Variants in EXD3 observed in about 807,000 individuals in gnomAD.
EXD3 encodes exonuclease mut-7 homolog.
Under a neutral mutation model 98.0 loss-of-function variants are expected in EXD3, and 92 were observed. The ratio of observed to expected loss-of-function variants is 0.94; its 90% CI spans 0.79 to 1.12. EXD3 has a LOEUF of 1.12. Among genes scored for constraint, EXD3 ranks in the 50% most tolerant of loss-of-function variants. The pLI is 0.00. For synonymous variants in EXD3, 569 were observed against 526.0 expected (o/e 1.08, Z -1.12); for missense variants, 1,222 against 1,191.6 (o/e 1.03, Z -0.38).
At chr9:137,326,168 G>A (rs972919689) in intron 17 of EXD3, among the ~76,000 whole-genome samples, 1 of 151,722 alleles carries the variant, frequency 6.6e-6, no homozygotes, top group African/African-American at 2.4e-5. Context: ...ATATGACACC[G>A]CAGCAAAGGC....
intron 19 of EXD3, among the ~76,000 whole-genome samples, chr9:137,321,146 T>G (rs538935676): frequency 2.0e-5 from 3 of 152,354 alleles, no homozygotes; most frequent in East Asian, 3.9e-4. Flanking sequence ...AGCCGGAGCT[T>G]TCCCTCTTTC....
At chr9:137,386,872 C>A (rs1292422561) in intron 2 of EXD3, among the ~76,000 whole-genome samples, 7 of 148,160 alleles carry the variant, frequency 4.7e-5, no homozygotes, top group African/African-American at 1.7e-4. Context: ...GCCTGGCCCC[C>A]TCAGCACCCC....
chr9:137,365,790 C>T (rs756860974), intron 7 of EXD3: 1 of 330,394 alleles, frequency 3.0e-6, no homozygotes, highest in Non-Finnish European at 6.0e-6. Flanking sequence ...CACACGTACA[C>T]CTGCAGGCAC....
intron 17 of EXD3, among the ~76,000 whole-genome samples, chr9:137,330,202 A>AG (rs1370422199): frequency 4.4e-5 from 6 of 135,586 alleles, no homozygotes; most frequent in African/African-American, 5.8e-5. Context: ...ACTACACAGG[A>AG]CTACACAGGA....
intron 5 of EXD3, among the ~76,000 whole-genome samples, chr9:137,368,675 G>A (rs972471643): frequency 1.2e-4 from 19 of 152,268 alleles, no homozygotes; most frequent in Non-Finnish European, 2.9e-5. Context: ...GCAGCCCAGA[G>A]AAAGGACCAA....
intron 1 of EXD3, among the ~76,000 whole-genome samples, chr9:137,396,818 C>T (rs1483200368): frequency 1.3e-5 from 2 of 152,190 alleles, no homozygotes; most frequent in East Asian, 3.9e-4. Context: ...CCACTGCAAA[C>T]GACGTAAAAC....
In EXD3 at chr9:137,386,323, C is replaced by G. The variant is rs73583550; in HGVS notation, c.56-2946G>C. Among the ~76,000 whole-genome samples the G allele has an allele frequency of 4.3e-3, 650 of 152,096 alleles. 4 individuals are homozygous for G. Among genetic ancestry groups the G allele is most frequent in the African/African-American group, 0.015 (614 of 41,496 alleles). On this transcript the variant is annotated intron_variant, in intron 2 of 21. Coordinates refer to ENST00000340951, the MANE Select transcript of EXD3 (RefSeq NM_017820.5). ...TCCATCCATCAATAAGCAGGGTGTC[C>G]TTATTATTCTTTTTAAGTTCTCCAA...
At chr9:137,333,234 G>A (rs770092222) in intron 17 of EXD3, among the ~76,000 whole-genome samples, 9 of 152,080 alleles carry the variant, frequency 5.9e-5, no homozygotes, top group Non-Finnish European at 5.9e-5. Context: ...GGCCTTTGGC[G>A]GCAGACTGAA....
Position 137,395,455 on chromosome 9 carries a change from C to T in EXD3, c.-47-51G>A. 1 of 1,561,014 alleles carries T rather than the reference C, an allele frequency of 6.4e-7. No homozygotes were observed. ...TGCAGAGCCCACTGCAACAGGCAGCCATGCAGAGCCCACGCCCACAGCCCC... is the reference window on the plus strand; with the variant it reads ...TGCAGAGCCCACTGCAACAGGCAGCTATGCAGAGCCCACGCCCACAGCCCC... On this transcript the variant is annotated intron_variant, in intron 1 of 21. Coordinates refer to ENST00000340951, the MANE Select transcript of EXD3 (RefSeq NM_017820.5). This position sits in a 1 kb window ranked among gnomAD's most constrained non-coding sequence, Gnocchi z 6.5.
chr9:137,354,322 C>G lies in EXD3; in HGVS notation c.870+17G>C, dbSNP rs142930083. 0.011 allele frequency: 17,905 copies of G among 1,611,878 alleles called. 355 individuals carry two copies. Among genetic ancestry groups the G allele is most frequent in the South Asian group, 0.063 (5,728 of 90,968 alleles). The stretch of plus-strand genomic sequence containing the variant: ...CCAGGCCGCCCTGCCGGCTTACAGG[C>G]AAGGGCACGAACTCACCTGCACATG... On this transcript the variant is annotated intron_variant, in intron 10 of 21. Transcript: ENST00000340951.
intron 1 of EXD3, among the ~76,000 whole-genome samples, chr9:137,419,177 A>G (rs911148692): frequency 6.6e-6 from 1 of 152,166 alleles, no homozygotes; most frequent in Non-Finnish European, 1.5e-5. Flanking sequence ...TATTATTAAC[A>G]TATGTTCCAA....
At chr9:137,381,599 G>A (rs1836274362) in intron 3 of EXD3, among the ~76,000 whole-genome samples, 1 of 151,946 alleles carries the variant, frequency 6.6e-6, no homozygotes, top group Non-Finnish European at 1.5e-5. Flanking sequence ...TCACCCGCCC[G>A]GTGTGCTGGC....
intron 19 of EXD3, among the ~76,000 whole-genome samples, chr9:137,322,452 G>T (rs112942571): frequency 3.6e-5 from 4 of 109,644 alleles, no homozygotes; most frequent in Non-Finnish European, 7.5e-5. Flanking sequence ...CCGGACCCAC[G>T]AGGGATGCTC....
At chr9:137,328,208 C>A in intron 17 of EXD3, among the ~76,000 whole-genome samples, 1 of 151,156 alleles carries the variant, frequency 6.6e-6, no homozygotes, top group Non-Finnish European at 1.5e-5. Flanking sequence ...TTAATATACT[C>A]CCATATGATG....
Position 137,407,777 on chromosome 9 carries a change from C to T in EXD3, c.-47-12373G>A, listed in dbSNP as rs1468623179. Reference sequence around the variant, plus strand: ...GCTTCCGTCACTGGAGCCCACGGGTCCACAGGCATTCGAGGTCTTGGATGC... The same window carrying T: ...GCTTCCGTCACTGGAGCCCACGGGTTCACAGGCATTCGAGGTCTTGGATGC... On this transcript the variant is annotated intron_variant, in intron 1 of 21. Transcript: ENST00000340951. This position sits in a 1 kb window ranked among gnomAD's most constrained non-coding sequence, Gnocchi z 4.4. Among the ~76,000 whole-genome samples, 1 of 152,108 alleles carries T rather than the reference C, an allele frequency of 6.6e-6. No individual in the cohort carries two copies. The highest frequency in any genetic ancestry group is 1.5e-5 in the Non-Finnish European group (1 of 68,030).
chr9:137,340,253 G>A (rs1258953677), intron 17 of EXD3, among the ~76,000 whole-genome samples: 4 of 152,084 alleles, frequency 2.6e-5, no homozygotes, highest in African/African-American at 4.8e-5. Context: ...TGAGGCGGGC[G>A]GATCATGAGG....
In EXD3 at chr9:137,373,596, G is replaced by A. The variant is rs781639693; in HGVS notation, c.124C>T (p.Arg42Trp). Residue 42 changes from arginine (R) to tryptophan (W), a missense_variant, in exon 4 of 22, where the codon CGG (arginine) becomes TGG (tryptophan). Coordinates refer to ENST00000340951, the MANE Select transcript of EXD3 (RefSeq NM_017820.5). ...GCAAACCCCCGCCAGGCTTCCTCCC[G>A]GAGCTGTGGAGACACAAAACCACAC... ...LWSTRERKQL[R>W]EEAWRGFAAL... is the part of the protein sequence containing the mutation. 4.2e-5 allele frequency: 67 copies of A among 1,595,916 alleles called. No individual in the cohort carries two copies. Among genetic ancestry groups the A allele is most frequent in the African/African-American group, 9.4e-5 (7 of 74,464 alleles).
intron 5 of EXD3, among the ~76,000 whole-genome samples, chr9:137,369,509 C>T (rs1312252554): frequency 1.3e-5 from 2 of 152,202 alleles, no homozygotes; most frequent in African/African-American, 2.4e-5. Flanking sequence ...CCGGCACCTC[C>T]TTGGGACCAG....
intron 1 of EXD3, among the ~76,000 whole-genome samples, chr9:137,398,565 CCGCGTCCCCAAGACACACAGGCAA>C (rs1564208386): frequency 7.3e-5 from 11 of 151,076 alleles, no homozygotes; most frequent in Non-Finnish European, 1.0e-4. Context: ...ACACAGGCAA[CCGCGTCCCCAAGACACACAGGCAA>C]CCGCGTCCCC....
Sources: allele counts gnomAD v4.1 joint callset (sites outside exome capture counted in the v4.1 genomes callset), GRCh38; gene constraint gnomAD v4.1.1; non-coding constraint Gnocchi (gnomAD v3.1); transcripts MANE v1.5; gene names NCBI Gene and HGNC (gene_info 2026-07-23, HGNC 2026-07-21).